Variants in FAM81A observed in about 807,000 individuals in gnomAD.
FAM81A encodes the protein family with sequence similarity 81 member A.
A neutral mutation model predicts 46.7 loss-of-function variants in FAM81A; 19 were observed. The ratio of observed to expected loss-of-function variants is 0.41; its 90% CI spans 0.28 to 0.60. The LOEUF is 0.60. Ranked by LOEUF, FAM81A falls within the 20% of genes least tolerant of loss-of-function variation. The pLI is 0.34. For missense variants in FAM81A, 377 were observed against 453.5 expected (o/e 0.83, Z 1.53); for synonymous variants, 183 against 152.9 (o/e 1.20, Z -1.45).
intron 7 of FAM81A, among the ~76,000 whole-genome samples, chr15:59,516,249 C>T (rs1276176956): frequency 6.6e-6 from 1 of 151,956 alleles, no homozygotes; most frequent in Non-Finnish European, 1.5e-5. Flanking sequence ...CCTCAGCCTC[C>T]TATGTAGCTG....
intron 3 of FAM81A, among the ~76,000 whole-genome samples, chr15:59,462,064 G>A (rs149898575): frequency 0.071 from 10,824 of 151,978 alleles, 577 homozygotes; most frequent in Admixed American, 0.17. Context: ...TTAGCTGGGC[G>A]AGGTAGCGGG....
At chr15:59,441,127 A>T (rs750141931) in intron 1 of FAM81A, among the ~76,000 whole-genome samples, 6 of 152,126 alleles carry the variant, frequency 3.9e-5, no homozygotes, top group Admixed American at 1.3e-4. Flanking sequence ...TCCACATGCA[A>T]TCCACACTCT....
intron 3 of FAM81A, among the ~76,000 whole-genome samples, chr15:59,480,178 T>C (rs2081831808): frequency 6.6e-6 from 1 of 152,216 alleles, no homozygotes; most frequent in East Asian, 1.9e-4. Flanking sequence ...TATATGAGGC[T>C]GGAACTGTGG....
intron 2 of FAM81A, among the ~76,000 whole-genome samples, chr15:59,419,634 G>C (rs560604356): frequency 2.6e-5 from 4 of 152,282 alleles, no homozygotes; most frequent in African/African-American, 9.6e-5. Context: ...AGTACTTTGG[G>C]AGGCCGAGGC....
chr15:59,501,648 C>G (rs775413376), intron 4 of FAM81A, among the ~76,000 whole-genome samples: 1 of 152,158 alleles, frequency 6.6e-6, no homozygotes, highest in African/African-American at 2.4e-5. Context: ...TTGGGACTCT[C>G]TAGATGGACT....
At chr15:59,476,173 T>C (rs1244913267) in intron 3 of FAM81A, among the ~76,000 whole-genome samples, 1 of 152,078 alleles carries the variant, frequency 6.6e-6, no homozygotes, top group East Asian at 1.9e-4. Context: ...TCACCTCTTA[T>C]AGGCCCCACC....
At chr15:59,467,436 T>C (rs2081627998) in intron 3 of FAM81A, among the ~76,000 whole-genome samples, 1 of 152,220 alleles carries the variant, frequency 6.6e-6, no homozygotes. Flanking sequence ...CCCTTGTAAG[T>C]TGGATTCCTA....
chr15:59,475,249 A>G (rs1210307882), intron 3 of FAM81A, among the ~76,000 whole-genome samples: 1 of 151,756 alleles, frequency 6.6e-6, no homozygotes, highest in Non-Finnish European at 1.5e-5. Flanking sequence ...GGTTCAAGTG[A>G]TTCTCATGCC....
intron 3 of FAM81A, among the ~76,000 whole-genome samples, chr15:59,462,407 C>A (rs1037117374): frequency 3.3e-5 from 5 of 152,036 alleles, no homozygotes; most frequent in Non-Finnish European, 7.4e-5. Flanking sequence ...GACTAATGAT[C>A]TTGAACACCT....
At chr15:59,423,383 C>T (rs1362954110) in intron 2 of FAM81A, among the ~76,000 whole-genome samples, 5 of 152,236 alleles carry the variant, frequency 3.3e-5, no homozygotes, top group Admixed American at 1.3e-4. Flanking sequence ...CAGGCGTGAG[C>T]CATCGCGCCT....
intron 4 of FAM81A, among the ~76,000 whole-genome samples, chr15:59,499,582 C>T (rs532088160): frequency 6.6e-6 from 1 of 152,246 alleles, no homozygotes; most frequent in South Asian, 2.1e-4. Flanking sequence ...TTTCTTCTAG[C>T]GTGGTTCTTC....
rs554791054 is a variant in FAM81A at position 59,407,050 on chromosome 15, C to G, written c.-78+4692C>G. 2.4e-5 allele frequency: 4 copies of G among 164,972 alleles called. No individual in the cohort carries two copies. In the East Asian group the frequency reaches 5.7e-4, roughly 24 times the overall value. The allele number at this position is 164,972 out of a possible 1,614,324, so 10.2% of individuals were successfully genotyped here. On this transcript the variant is annotated intron_variant, in intron 2 of 4. Transcript: ENST00000558348. ...GACTTGGGAGCCAGGACATTGCCTC[C>G]CCAGTGATGATGGATCTCATCGTAT...
intron 4 of FAM81A, among the ~76,000 whole-genome samples, chr15:59,504,412 G>A (rs1466954867): frequency 2.0e-5 from 3 of 152,090 alleles, no homozygotes; most frequent in South Asian, 4.1e-4. Flanking sequence ...AATAAAACTA[G>A]GGTTTTAGGT....
intron 2 of FAM81A, among the ~76,000 whole-genome samples, chr15:59,423,527 C>G (rs2141555499): frequency 6.6e-6 from 1 of 152,304 alleles, no homozygotes; most frequent in Admixed American, 6.5e-5. Flanking sequence ...AATCTGACTC[C>G]AAGACTTGAC....
At chr15:59,418,128 C>G (rs1345872498) in intron 2 of FAM81A, among the ~76,000 whole-genome samples, 1 of 152,166 alleles carries the variant, frequency 6.6e-6, no homozygotes, top group African/African-American at 2.4e-5. Flanking sequence ...GATTTTTTAT[C>G]TAACTTTGTC....
chr15:59,448,072 A>G (rs1032718603), intron 1 of FAM81A, among the ~76,000 whole-genome samples: 2 of 152,142 alleles, frequency 1.3e-5, no homozygotes, highest in Non-Finnish European at 2.9e-5. Context: ...GTGGTAGTAG[A>G]TAACTTCAAC....
chr15:59,444,610 G>C (rs1189925922), intron 1 of FAM81A, among the ~76,000 whole-genome samples: 2 of 152,108 alleles, frequency 1.3e-5, no homozygotes, highest in Non-Finnish European at 2.9e-5. Context: ...GCCTCCTCTG[G>C]CTGTCTGGCC....
chr15:59,402,724 G>A (rs1436315206), intron 2 of FAM81A, among the ~76,000 whole-genome samples: 1 of 148,458 alleles, frequency 6.7e-6, no homozygotes, highest in Non-Finnish European at 1.5e-5. Context: ...GGGGGGTGGG[G>A]GGGATATTTA....
At chr15:59,498,144 C>G (rs1290275720) in intron 4 of FAM81A, among the ~76,000 whole-genome samples, 1 of 152,248 alleles carries the variant, frequency 6.6e-6, no homozygotes, top group East Asian at 1.9e-4. Context: ...GTCACCATGC[C>G]TGGCCCCAAA....
Sources: gnomAD v4.1 joint callset for allele counts (sites outside exome capture counted in the v4.1 genomes callset) on GRCh38, gnomAD v4.1.1 for gene constraint, MANE v1.5 for transcripts, NCBI Gene and HGNC (gene_info 2026-07-23, HGNC 2026-07-21) for gene names.